DAB1: variants seen among roughly 807,000 people sequenced by gnomAD.
The protein encoded by DAB1 is DAB adaptor protein 1, also known as disabled homolog 1.
Under a neutral mutation model 64.6 loss-of-function variants are expected in DAB1, and 15 were observed. The ratio of observed to expected loss-of-function variants is 0.23; its 90% CI spans 0.16 to 0.36. DAB1 has a LOEUF of 0.36. Among genes scored for constraint, DAB1 ranks in the 10% least tolerant of loss-of-function variants. The pLI, the probability that DAB1 is intolerant of heterozygous loss-of-function variation, is 1.00. For missense variants in DAB1, 596 were observed against 706.7 expected (o/e 0.84, Z 1.78); for synonymous variants, 235 against 251.9 (o/e 0.93, Z 0.64).
At chr1:57,241,676 T>A (rs1021907833) in intron 2 of DAB1, among the ~76,000 whole-genome samples, 1 of 152,192 alleles carries the variant, frequency 6.6e-6, no homozygotes, top group African/African-American at 2.4e-5. Flanking sequence ...CACCCACTGA[T>A]ATGGAGTCTA....
chr1:57,723,458 A>G (rs1261410356), intron 6 of DAB1, among the ~76,000 whole-genome samples: 2 of 152,170 alleles, frequency 1.3e-5, no homozygotes, highest in African/African-American at 4.8e-5. Context: ...CTCAAACCCT[A>G]TACCAAATCC....
chr1:57,174,423 C>A (rs138567405), intron 2 of DAB1, among the ~76,000 whole-genome samples: 1 of 152,040 alleles, frequency 6.6e-6, no homozygotes, highest in Non-Finnish European at 1.5e-5. Flanking sequence ...TTATAATATG[C>A]CCTTTATTCC....
intron 3 of DAB1, among the ~76,000 whole-genome samples, chr1:58,347,632 A>C (rs1016828229): frequency 3.3e-5 from 5 of 152,186 alleles, no homozygotes; most frequent in African/African-American, 9.7e-5. Context: ...GAAATTATTC[A>C]ACTCCTCTGC....
At chr1:57,856,694 G>T (rs2101935206) in intron 1 of DAB1, among the ~76,000 whole-genome samples, 1 of 152,176 alleles carries the variant, frequency 6.6e-6, no homozygotes, top group East Asian at 1.9e-4. Flanking sequence ...AACCTGGGAG[G>T]TAGAGGCTGC....
intron 1 of DAB1, among the ~76,000 whole-genome samples, chr1:57,407,941 G>GAGT (rs1207599153): frequency 6.6e-6 from 1 of 152,168 alleles, no homozygotes; most frequent in Non-Finnish European, 1.5e-5. Flanking sequence ...TGAGACCAAA[G>GAGT]AGTCAGACTT....
chr1:57,090,517 G>T (rs927897069), intron 4 of DAB1, among the ~76,000 whole-genome samples: 2 of 152,108 alleles, frequency 1.3e-5, no homozygotes, highest in African/African-American at 4.8e-5. Context: ...TTTTCTTATA[G>T]GTTCAAATTT....
chr1:58,034,345 G>A lies in DAB1; in HGVS notation n.387+116166C>T, dbSNP rs569817894. 5.3e-5 allele frequency among the ~76,000 whole-genome samples: 8 copies of A among 152,324 alleles called. 1 individual carries two copies. In the East Asian group the frequency reaches 1.4e-3, roughly 26 times the overall value. ...CTCCCAATAACAAGTAAGGGATCTT[G>A]AAAGAGGATTCTGCCCCAGGCAGAC... On this transcript the variant is annotated intron_variant and non_coding_transcript_variant, in intron 5 of 20. Coordinates refer to the DAB1 transcript ENST00000485760.
At chr1:58,093,286 T>G (rs901537149) in intron 5 of DAB1, among the ~76,000 whole-genome samples, 3 of 152,080 alleles carry the variant, frequency 2.0e-5, no homozygotes, top group Non-Finnish European at 2.9e-5. Context: ...ATAGACAGTG[T>G]AGGGGCAGAA....
chr1:58,114,091 C>CAA (rs530606878), intron 5 of DAB1, among the ~76,000 whole-genome samples: 5 of 109,978 alleles, frequency 4.5e-5, no homozygotes, highest in East Asian at 2.3e-4. Flanking sequence ...TACTAAAATA[C>CAA]AAAAAAAAAA....
chr1:57,915,786 CA>C (rs1644717926), intron 5 of DAB1, among the ~76,000 whole-genome samples: 1 of 152,108 alleles, frequency 6.6e-6, no homozygotes, highest in East Asian at 1.9e-4. Flanking sequence ...GTCCAATTCC[CA>C]ATAGACTGTG....
At chr1:57,023,402 A>G (rs1646682769) in intron 11 of DAB1, 129 bp downstream of exon 11, 1 of 624,916 alleles carries the variant, frequency 1.6e-6, no homozygotes, top group Non-Finnish European at 2.9e-6. Flanking sequence ...TAGCTTCTCA[A>G]TGTCACCTGA....
chr1:58,005,673 A>G (rs1012999402), intron 5 of DAB1, among the ~76,000 whole-genome samples: 4 of 151,892 alleles, frequency 2.6e-5, no homozygotes, highest in Non-Finnish European at 5.9e-5. Flanking sequence ...TGAACAAGAC[A>G]TAAATAGCAA....
intron 7 of DAB1, among the ~76,000 whole-genome samples, chr1:57,523,634 C>A (rs1189993566): frequency 1.3e-5 from 2 of 152,090 alleles, no homozygotes; most frequent in African/African-American, 4.8e-5. Context: ...AAAAAGGGAA[C>A]AATTAGGCCA....
chr1:57,948,326 G>T lies in DAB1; in HGVS notation n.388-64164C>A, dbSNP rs1439842731. Among the ~76,000 whole-genome samples, 17 of 152,142 alleles carry T rather than the reference G, an allele frequency of 1.1e-4. 1 individual carries two copies. Among genetic ancestry groups the T allele is most frequent in the Admixed American group, 1.0e-3 (16 of 15,272 alleles). On this transcript the variant is annotated intron_variant and non_coding_transcript_variant, in intron 5 of 20. Coordinates refer to the DAB1 transcript ENST00000485760. ...AACATTGGTTTTCTCAGCTTAGCAA[G>T]GTTGCTGATGACTTTTATTTTTGTC...
At chr1:58,319,645 GGTAA>G (rs1453647370) in intron 4 of DAB1, among the ~76,000 whole-genome samples, 1 of 152,130 alleles carries the variant, frequency 6.6e-6, no homozygotes, top group East Asian at 1.9e-4. Flanking sequence ...TTCAGTTGTT[GGTAA>G]GTGATTAAAA....
chr1:57,658,809 G>T (rs1157130445), intron 6 of DAB1, among the ~76,000 whole-genome samples: 1 of 152,140 alleles, frequency 6.6e-6, no homozygotes, highest in Non-Finnish European at 1.5e-5. Flanking sequence ...GCCCCAAGCA[G>T]ATAACCTCTG....
At chr1:57,380,860 C>T (rs1476178240) in intron 1 of DAB1, among the ~76,000 whole-genome samples, 3 of 152,134 alleles carry the variant, frequency 2.0e-5, no homozygotes, top group Non-Finnish European at 4.4e-5. Context: ...TGCCTAAGTC[C>T]TCCTTCAAAC....
chr1:58,193,112 T>C (rs776986958), intron 4 of DAB1, among the ~76,000 whole-genome samples: 1 of 152,322 alleles, frequency 6.6e-6, no homozygotes, highest in East Asian at 1.9e-4. Context: ...CGGGGCTTAA[T>C]GGGAGGGTAT....
intron 4 of DAB1, among the ~76,000 whole-genome samples, chr1:57,118,061 A>G (rs1656298153): frequency 6.6e-6 from 1 of 152,232 alleles, no homozygotes; most frequent in Non-Finnish European, 1.5e-5. Flanking sequence ...AAGAGCTGGC[A>G]TATATCTTTC....
Sources: allele counts gnomAD v4.1 joint callset (sites outside exome capture counted in the v4.1 genomes callset), GRCh38; gene constraint gnomAD v4.1.1; transcripts MANE v1.5; gene names NCBI Gene and HGNC (gene_info 2026-07-23, HGNC 2026-07-21).